Variants in PRUNE2 observed in about 807,000 individuals in gnomAD.
The protein encoded by PRUNE2 is protein prune homolog 2.
In PRUNE2, 164 loss-of-function variants were observed where a neutral mutation model predicts 252.0. The ratio of observed to expected loss-of-function variants is 0.65; its 90% CI spans 0.57 to 0.74. The LOEUF (loss-of-function observed/expected upper bound fraction) is 0.74, where lower values mean the gene tolerates loss of function less well. Among genes scored for constraint, PRUNE2 ranks in the 30% least tolerant of loss-of-function variants. The probability of loss-of-function intolerance (pLI) is 0.00; values close to 1 mark genes in which losing one functional copy is unlikely to be tolerated. For missense variants in PRUNE2, 3,495 were observed against 3,711.0 expected (o/e 0.94, Z 1.51); for synonymous variants, 1,292 against 1,350.2 (o/e 0.96, Z 0.94).
At chr9:76,905,812 C>T (rs1044007081) in intron 1 of PRUNE2, 116 bp downstream of exon 1, 2 of 1,360,132 alleles carry the variant, frequency 1.5e-6, no homozygotes, top group East Asian at 2.3e-5. Flanking sequence ...CCCGCACACC[C>T]TGATAACTCC....
intron 4 of PRUNE2, among the ~76,000 whole-genome samples, chr9:76,843,596 A>G (rs1589533034): frequency 6.6e-6 from 1 of 152,236 alleles, no homozygotes; most frequent in East Asian, 1.9e-4. Context: ...TATTATGAAA[A>G]TAATGCTAAA....
At chr9:76,629,351 C>G in intron 15 of PRUNE2, 61 bp from the exon 16 acceptor site, 1 of 866,136 alleles carries the variant, frequency 1.2e-6, no homozygotes, top group South Asian at 1.7e-5. Flanking sequence ...CATTCTAAGG[C>G]TATTGCCTTT....
intron 6 of PRUNE2, among the ~76,000 whole-genome samples, chr9:76,805,155 G>T (rs1341475095): frequency 2.0e-5 from 3 of 152,214 alleles, no homozygotes; most frequent in African/African-American, 7.2e-5. Context: ...CACATGGGGA[G>T]AGAGGCCCAG....
At chr9:76,865,268 G>A (rs976881922) in intron 1 of PRUNE2, among the ~76,000 whole-genome samples, 9 of 152,184 alleles carry the variant, frequency 5.9e-5, no homozygotes, top group African/African-American at 2.2e-4. Context: ...TGAGGCAGGA[G>A]GACTGCTTGA....
In PRUNE2 at chr9:76,905,945, G is replaced by T. The variant is rs771179608; in HGVS notation, c.19C>A (p.Arg7Ser). The T allele has an allele frequency of 1.2e-6, 2 of 1,614,060 alleles. No individual in the cohort carries two copies. The highest frequency in any genetic ancestry group is 2.2e-5 in the South Asian group (2 of 91,090). Reference protein sequence around the residue: MEEFLQRAKSKLNRSKR... With the variant: MEEFLQSAKSKLNRSKR... ...CAACTTACCAGTTTAGATTTGGCGCGTTGCAAAAATTCTTCCATGTCGTGG... is the reference window on the plus strand; with the variant it reads ...CAACTTACCAGTTTAGATTTGGCGCTTTGCAAAAATTCTTCCATGTCGTGG... Residue 7 changes from arginine (R) to serine (S), a missense_variant, in exon 1 of 19, where the codon CGC becomes AGC. Arg to Ser is a moderately radical substitution (Grantham distance 110). Coordinates refer to ENST00000376718, the MANE Select transcript of PRUNE2 (RefSeq NM_015225.3).
Position 76,704,058 on chromosome 9 carries a change from T to C in PRUNE2, c.7555A>G (p.Ile2519Val). 6.2e-7 allele frequency: 1 copy of C among 1,601,148 alleles called. No homozygotes were observed. The highest frequency in any genetic ancestry group is 8.5e-7 in the Non-Finnish European group (1 of 1,175,932). ...ATCTGCTCAGGCTCTTTGGTAGGAATTGTTTTTTCTTCTTCCAATTCTGAT... is the reference window on the plus strand; with the variant it reads ...ATCTGCTCAGGCTCTTTGGTAGGAACTGTTTTTTCTTCTTCCAATTCTGAT... ...EISELEEEKT[I>V]PTKEPEQIKS... Residue 2519 changes from isoleucine (I) to valine (V), a missense_variant, in exon 9 of 19, where the codon ATT becomes GTT. Physicochemically the swap from Ile to Val is conservative, Grantham distance 29. Coordinates refer to ENST00000376718, the MANE Select transcript of PRUNE2 (RefSeq NM_015225.3).
intron 6 of PRUNE2, among the ~76,000 whole-genome samples, chr9:76,804,256 C>T (rs1462744707): frequency 2.6e-5 from 4 of 152,212 alleles, no homozygotes; most frequent in Non-Finnish European, 4.4e-5. Context: ...ACGGGGCACA[C>T]GGGCCTCTCT....
At chr9:76,631,632 G>A (rs1271893621) in intron 15 of PRUNE2, among the ~76,000 whole-genome samples, 2 of 152,210 alleles carry the variant, frequency 1.3e-5, no homozygotes, top group South Asian at 2.1e-4. Context: ...ATCGAGCTAT[G>A]TGATTTCCCA....
chr9:76,840,874 G>A (rs945522828), intron 4 of PRUNE2, among the ~76,000 whole-genome samples: 11 of 152,044 alleles, frequency 7.2e-5, no homozygotes, highest in African/African-American at 2.7e-4. Flanking sequence ...CCAGCTACTT[G>A]AGAGGCTGAC....
chr9:76,670,840 T>A (rs1290382075), intron 9 of PRUNE2, among the ~76,000 whole-genome samples: 1 of 150,624 alleles, frequency 6.6e-6, no homozygotes, highest in African/African-American at 2.4e-5. Flanking sequence ...CAGCTGAGGG[T>A]CCTCTCTGTT....
chr9:76,864,450 A>C (rs2060723282), intron 1 of PRUNE2, among the ~76,000 whole-genome samples: 1 of 147,608 alleles, frequency 6.8e-6, no homozygotes, highest in Non-Finnish European at 1.5e-5. Context: ...ATCCTAAAGA[A>C]ATACATAAAT....
chr9:76,879,896 TA>T (rs2061669410), intron 1 of PRUNE2, among the ~76,000 whole-genome samples: 48 of 92,086 alleles, frequency 5.2e-4, no homozygotes, highest in African/African-American at 2.5e-3. Flanking sequence ...TATATATATA[TA>T]TATATATTTT....
At chr9:76,868,011 A>G (rs1442408007) in intron 1 of PRUNE2, among the ~76,000 whole-genome samples, 1 of 152,158 alleles carries the variant, frequency 6.6e-6, no homozygotes, top group Non-Finnish European at 1.5e-5. Flanking sequence ...TCTGGTTCCA[A>G]TCTTAATTCA....
Position 76,708,478 on chromosome 9 carries a change from C to T in PRUNE2, c.3796G>A (p.Asp1266Asn), listed in dbSNP as rs753250342. ...CTGGTTCCAGAGGCTGCTGGCGCAT[C>T]TGGGGAATGAGTGTCTTTAACATTT... ...SANVKDTHSP[D>N]APAASGTSES... Residue 1266 changes from aspartate to asparagine, a missense_variant, in exon 8 of 19, where the codon GAT (aspartate) becomes AAT (asparagine). Coordinates refer to ENST00000376718, the MANE Select transcript of PRUNE2 (RefSeq NM_015225.3). 19 of 1,613,842 alleles carry T rather than the reference C, an allele frequency of 1.2e-5. No individual in the cohort carries two copies. Among genetic ancestry groups the T allele is most frequent in the Non-Finnish European group, 1.6e-5 (19 of 1,179,900 alleles).
At chr9:76,699,044 AC>A (rs927177676) in intron 9 of PRUNE2, among the ~76,000 whole-genome samples, 1 of 23,460 alleles carries the variant, frequency 4.3e-5, no homozygotes, top group Non-Finnish European at 8.7e-5. Flanking sequence ...CCCCACCCCC[AC>A]CCCCTCCCTC....
chr9:76,815,415 G>A (rs889414240), intron 6 of PRUNE2, among the ~76,000 whole-genome samples: 9 of 152,188 alleles, frequency 5.9e-5, no homozygotes, highest in Non-Finnish European at 1.2e-4. Context: ...TGGAACTGGT[G>A]TCTGGTGAGA....
chr9:76,807,798 C>T (rs1157461466), intron 6 of PRUNE2, among the ~76,000 whole-genome samples: 1 of 152,172 alleles, frequency 6.6e-6, no homozygotes, highest in African/African-American at 2.4e-5. Context: ...AACTAAAGCT[C>T]TCGTCCCACT....
intron 6 of PRUNE2, among the ~76,000 whole-genome samples, chr9:76,816,472 C>T (rs2057701904): frequency 6.6e-6 from 1 of 152,124 alleles, no homozygotes; most frequent in African/African-American, 2.4e-5. Context: ...TTTTATCCTG[C>T]TAATGTCCTC....
chr9:76,707,977 G>A lies in PRUNE2; in HGVS notation c.4297C>T (p.His1433Tyr), dbSNP rs752297596. 1.2e-6 allele frequency: 2 copies of A among 1,613,902 alleles called. No homozygotes were observed. The highest frequency in any genetic ancestry group is 1.7e-6 in the Non-Finnish European group (2 of 1,179,850). The change falls in exon 8 of 19, where the codon CAC becomes TAC. Residue 1433 changes from histidine (H) to tyrosine (Y), a missense_variant. Transcript: ENST00000376718. ...CCTGAATTTCTTTGACTCATGAGGT[G>A]TTTTTCATGGGTATCTTTTGGCTGC... ...NLQPKDTHEK[H>Y]LMSQRNSGET...
Sources: allele counts gnomAD v4.1 joint callset (sites outside exome capture counted in the v4.1 genomes callset), GRCh38; gene constraint gnomAD v4.1.1; transcripts MANE v1.5; gene names NCBI Gene and HGNC (gene_info 2026-07-23, HGNC 2026-07-21).